The following FAAH2 variants were observed in gnomAD, a reference collection of about 807,000 sequenced individuals.
FAAH2 encodes fatty acid amide hydrolase 2, also known as fatty-acid amide hydrolase 2.
Under a neutral mutation model 36.9 loss-of-function variants are expected in FAAH2, and 60 were observed. The ratio of observed to expected loss-of-function variants is 1.63; its 90% CI spans 1.32 to 2.02. FAAH2 has a LOEUF of 2.02. Ranked by LOEUF, FAAH2 falls within the 30% of genes most tolerant of loss-of-function variation. FAAH2 has a pLI of 0.00. For missense variants in FAAH2, 689 were observed against 397.5 expected (o/e 1.73, Z -6.23); for synonymous variants, 214 against 143.8 (o/e 1.49, Z -3.49).
At chrX:57,293,328 T>C (rs891806677) in intron 2 of FAAH2, among the ~76,000 whole-genome samples, 1 of 112,301 alleles carries the variant, frequency 8.9e-6, no homozygotes, top group Non-Finnish European at 1.9e-5. Context: ...TTAATATAAA[T>C]AAAATGAAAA....
At chrX:57,428,887 G>C (rs768679880) in intron 7 of FAAH2, among the ~76,000 whole-genome samples, 2 of 111,830 alleles carry the variant, frequency 1.8e-5, no homozygotes, top group African/African-American at 3.2e-5. Flanking sequence ...AGACAAATGG[G>C]ACTTAAACTA....
chrX:57,148,522 C>T, the FAAH2 span, among the ~76,000 whole-genome samples: 3 of 111,151 alleles, frequency 2.7e-5, no homozygotes, highest in African/African-American at 6.5e-5. Context: ...CTCTTTGAAG[C>T]AATTGTGAAT....
chrX:57,265,432 TG>T, the FAAH2 span, among the ~76,000 whole-genome samples: 1 of 111,755 alleles, frequency 8.9e-6, no homozygotes, highest in Non-Finnish European at 1.9e-5. Context: ...CTCTCTGTGA[TG>T]GAGTTCCTAG....
chrX:57,283,265 G>T (rs770122307), upstream of FAAH2, among the ~76,000 whole-genome samples: 1 of 111,370 alleles, frequency 9.0e-6, no homozygotes, highest in East Asian at 2.8e-4. Context: ...AAGGCTTTTG[G>T]TTGTCTCTGG....
chrX:57,471,046 C>T (rs912679615), intron 10 of FAAH2, among the ~76,000 whole-genome samples: 7 of 111,690 alleles, frequency 6.3e-5, no homozygotes, highest in African/African-American at 2.3e-4. Context: ...TATTCAACAG[C>T]CCTTCATGGT....
rs1447696597 is a variant in FAAH2 at position 57,478,553 on chromosome X, G to T, written c.1424-10204G>T. On this transcript the variant is annotated intron_variant, in intron 10 of 10. Transcript: ENST00000374900. Reference sequence around the variant, plus strand: ...TTGCTTTTGGTGTTTTAGACATGATGTCCTTGCACATGCCTATGTCCTGAA... The same window carrying T: ...TTGCTTTTGGTGTTTTAGACATGATTTCCTTGCACATGCCTATGTCCTGAA... 3.6e-5 allele frequency among the ~76,000 whole-genome samples: 4 copies of T among 111,811 alleles called. No homozygotes were observed. In the East Asian group the frequency reaches 1.1e-3, roughly 31 times the overall value.
chrX:57,446,691 A>T (rs186942304), intron 8 of FAAH2, among the ~76,000 whole-genome samples: 22 of 111,783 alleles, frequency 2.0e-4, no homozygotes, highest in African/African-American at 7.1e-4. Flanking sequence ...ATGTCTTGTT[A>T]CTGGCTTCTT....
At chrX:57,272,477 A>T in the FAAH2 span, among the ~76,000 whole-genome samples, 1 of 111,914 alleles carries the variant, frequency 8.9e-6, no homozygotes, top group Non-Finnish European at 1.9e-5. Context: ...GGTTGAAATG[A>T]AGGGAAAAAT....
intron 5 of FAAH2, among the ~76,000 whole-genome samples, chrX:57,363,624 G>A (rs776963738): frequency 4.0e-4 from 44 of 111,063 alleles, no homozygotes; most frequent in Non-Finnish European, 7.6e-4. Flanking sequence ...GATGAGGGTG[G>A]GCACCCTTGT....
chrX:57,405,978 A>G (rs1181429048), intron 7 of FAAH2, among the ~76,000 whole-genome samples: 1 of 109,016 alleles, frequency 9.2e-6, no homozygotes, highest in African/African-American at 3.3e-5. Context: ...ATCCATTGCT[A>G]TGGAGATATT....
intron 4 of FAAH2, among the ~76,000 whole-genome samples, chrX:57,340,594 CGGAATGCT>C (rs1475371926): frequency 1.3e-4 from 14 of 111,948 alleles, no homozygotes; most frequent in African/African-American, 3.6e-4. Context: ...AAATACAACA[CGGAATGCT>C]ATTCAGCCAT....
At chrX:57,399,926 A>G (rs1467731846) in intron 7 of FAAH2, among the ~76,000 whole-genome samples, 2 of 112,022 alleles carry the variant, frequency 1.8e-5, no homozygotes, top group Non-Finnish European at 3.8e-5. Context: ...ATCACTGACC[A>G]CTGCATAATA....
At chrX:57,251,382 A>G in the FAAH2 span, among the ~76,000 whole-genome samples, 3 of 111,896 alleles carry the variant, frequency 2.7e-5, no homozygotes, top group South Asian at 1.1e-3. Context: ...ACCCCAAGTC[A>G]ACAGCTAACC....
rs759070432 is a variant in FAAH2, at chrX:57,446,849, A to G, written c.1117-79A>G. On this transcript the variant is annotated intron_variant, in intron 8 of 10. Coordinates refer to ENST00000374900, the MANE Select transcript of FAAH2 (RefSeq NM_174912.4). ...TACTGTTATGAATGATTATTCATAT[A>G]TAAGTCTTGTATAGGTGTTTTGGTC... 29 of 593,512 alleles carry G rather than the reference A, an allele frequency of 4.9e-5. No homozygotes were observed. In the South Asian group the frequency reaches 6.4e-4, roughly 13 times the overall value. 48.9% of individuals were successfully genotyped at this position (593,512 alleles called of 1,213,427 possible).
At chrX:57,168,690 G>A in the FAAH2 span, among the ~76,000 whole-genome samples, 1 of 111,846 alleles carries the variant, frequency 8.9e-6, no homozygotes, top group African/African-American at 3.2e-5. Context: ...ATCAACTGCA[G>A]TACAGTGCTT....
the FAAH2 span, among the ~76,000 whole-genome samples, chrX:57,274,298 A>G: frequency 3.6e-5 from 4 of 112,093 alleles, no homozygotes; most frequent in Non-Finnish European, 5.6e-5. Flanking sequence ...GTCCAGGACC[A>G]GACAGATTCA....
intron 5 of FAAH2, among the ~76,000 whole-genome samples, chrX:57,346,520 G>C (rs905969146): frequency 8.9e-6 from 1 of 111,927 alleles, no homozygotes; most frequent in African/African-American, 3.2e-5. Context: ...TGTTACATGT[G>C]AGAGAAATTC....
intron 7 of FAAH2, among the ~76,000 whole-genome samples, chrX:57,418,062 T>A (rs1235993512): frequency 1.8e-5 from 2 of 111,231 alleles, no homozygotes; most frequent in African/African-American, 6.5e-5. Flanking sequence ...CCTTAGTAAT[T>A]GTGGCCCTCC....
the FAAH2 span, among the ~76,000 whole-genome samples, chrX:57,197,693 A>G: frequency 7.6e-3 from 850 of 111,676 alleles, 10 homozygotes; most frequent in Non-Finnish European, 0.011. Flanking sequence ...AGGCTGATAC[A>G]GAGGAGTGTC....
Sources: gnomAD v4.1 joint callset for allele counts (sites outside exome capture counted in the v4.1 genomes callset) on GRCh38, gnomAD v4.1.1 for gene constraint, MANE v1.5 for transcripts, NCBI Gene and HGNC (gene_info 2026-07-23, HGNC 2026-07-21) for gene names.